Variants in KMT2C observed in about 807,000 individuals in gnomAD.
KMT2C encodes the protein histone-lysine N-methyltransferase 2C.
Under a neutral mutation model 507.9 loss-of-function variants are expected in KMT2C, and 88 were observed. That is an observed-to-expected ratio of 0.17 (90% CI 0.15 to 0.21). The LOEUF (loss-of-function observed/expected upper bound fraction) is 0.21, where lower values mean the gene tolerates loss of function less well. KMT2C is among the 10% of genes least tolerant of loss of function. The probability of loss-of-function intolerance (pLI) is 1.00; values close to 1 mark genes in which losing one functional copy is unlikely to be tolerated. For missense variants in KMT2C, 4,954 were observed against 5,957.8 expected, an observed-to-expected ratio of 0.83 and a Z score of 5.55; for synonymous variants, 2,049 against 2,080.8, an observed-to-expected ratio of 0.98 and a Z score of 0.42.
At position 152,162,624 on chromosome 7, in the gene KMT2C, C is replaced by T. The variant is rs2092516111; in HGVS notation, c.10953G>A (p.Glu3651=). ...TSTPAVSTPS[E]LPQQADQESV... Reference sequence around the variant, plus strand: ...ACTCTTGGTCGGCTTGTTGAGGAAGCTCACTGGGTGTGCTCACTGCAGGAG... The same window carrying T: ...ACTCTTGGTCGGCTTGTTGAGGAAGTTCACTGGGTGTGCTCACTGCAGGAG... The change falls in exon 43 of 59, where the codon GAG becomes GAA. Residue 3651 remains glutamate, a synonymous_variant. Transcript: ENST00000262189. 6 of 1,614,244 alleles carry T rather than the reference C, an allele frequency of 3.7e-6. No individual in the cohort carries two copies. Among genetic ancestry groups the T allele is most frequent in the Admixed American group, 3.3e-5 (2 of 60,026 alleles).
At position 152,358,692 on chromosome 7, in the gene KMT2C, A is replaced by C. The variant is rs187902675; in HGVS notation, c.162-17T>G. 5 of 1,514,030 alleles carry C rather than the reference A, an allele frequency of 3.3e-6. No individual in the cohort carries two copies. In the Admixed American group the frequency reaches 5.4e-5, roughly 16 times the overall value. 93.8% of individuals were successfully genotyped at this position (1,514,030 alleles called of 1,614,324 possible). A position where few individuals can be genotyped will look rare whatever the true frequency, so the allele number is the denominator to read the frequency against. Reference sequence around the variant, plus strand: ...CTTCGAGGTCTACAGAAAAAAAAAAAAATAATAAGTACATAGAGTTAAATG... The same window carrying C: ...CTTCGAGGTCTACAGAAAAAAAAAACAATAATAAGTACATAGAGTTAAATG... On this transcript the variant is annotated splice_polypyrimidine_tract_variant and intron_variant, in intron 1 of 58. Coordinates refer to ENST00000262189, the MANE Select transcript of KMT2C (RefSeq NM_170606.3).
chr7:152,146,876 G>A, intron 52 of KMT2C, 141 bp from the exon 53 acceptor site: 1 of 798,738 alleles, frequency 1.3e-6, no homozygotes, highest in South Asian at 2.1e-5. Flanking sequence ...AAATCTGTTT[G>A]GTAATAATCT....
intron 58 of KMT2C, 144 bp from the exon 59 acceptor site, chr7:152,137,068 C>T (rs1050488817): frequency 3.2e-6 from 2 of 633,734 alleles, no homozygotes; most frequent in African/African-American, 1.8e-5. Context: ...TCCATGGGAC[C>T]CTGGGGGAAC....
Position 152,177,523 on chromosome 7 carries a change from TAGA to T in KMT2C, c.7927_7929del (p.Ser2643del). 6.2e-7 allele frequency: 1 copy of T among 1,614,186 alleles called. No individual in the cohort carries two copies. The highest frequency in any genetic ancestry group is 8.5e-7 in the Non-Finnish European group (1 of 1,180,036). ...GGATGGTTCAGAGTCCTCATGACCATAGAAGATGAATGGACAGAATGACCTTGC... is the reference window on the plus strand; with the variant it reads ...GGATGGTTCAGAGTCCTCATGACCATAGATGAATGGACAGAATGACCTTGC... On this transcript the variant is annotated inframe_deletion, in exon 38 of 59. Transcript: ENST00000262189.
In KMT2C at chr7:152,176,586, G is replaced by C. The variant is rs2093220919; in HGVS notation, c.8867C>G (p.Pro2956Arg). The C allele has an allele frequency of 6.2e-7, 1 of 1,614,178 alleles. No individual in the cohort carries two copies. Among genetic ancestry groups the C allele is most frequent in the African/African-American group, 1.3e-5 (1 of 75,074 alleles). ...SPSNHVSSLPPFIAPPGRVLD... is the reference protein window; with the variant it reads ...SPSNHVSSLPRFIAPPGRVLD... ...AACACGGCCAGGCGGTGCTATGAAA[G>C]GAGGCAAACTTGACACATGATTGGA... Residue 2956 changes from proline (P) to arginine (R), a missense_variant, in exon 38 of 59, where the codon CCT becomes CGT. Pro to Arg is a moderately radical substitution (Grantham distance 103). Around this residue, in one of 29 missense-constraint regions of KMT2C, gnomAD observed 1,689 missense variants for 1,654.3 expected, o/e 1.02. Transcript: ENST00000262189.
chr7:152,359,516 C>A (rs1423804220), intron 1 of KMT2C, among the ~76,000 whole-genome samples: 10 of 151,810 alleles, frequency 6.6e-5, no homozygotes, highest in Admixed American at 2.6e-4. Context: ...ACACCTGTAA[C>A]CCCAGCACTT....
intron 41 of KMT2C, among the ~76,000 whole-genome samples, chr7:152,168,246 T>C (rs1254109495): frequency 6.6e-6 from 1 of 152,152 alleles, no homozygotes; most frequent in Non-Finnish European, 1.5e-5. Flanking sequence ...AAGAAGGACA[T>C]TCGCTGAAAA....
intron 2 of KMT2C, among the ~76,000 whole-genome samples, chr7:152,343,767 T>C (rs1285053169): frequency 6.6e-6 from 1 of 152,106 alleles, no homozygotes; most frequent in Admixed American, 6.5e-5. Context: ...TGTAACATGT[T>C]GAGAGAAAGA....
At chr7:152,217,113 T>C (rs558448762) in intron 23 of KMT2C, among the ~76,000 whole-genome samples, 1 of 152,300 alleles carries the variant, frequency 6.6e-6, no homozygotes, top group South Asian at 2.1e-4. Flanking sequence ...TGAGACATTA[T>C]CAAAACACGT....
At chr7:152,382,315 T>C (rs973738155) in intron 1 of KMT2C, among the ~76,000 whole-genome samples, 1 of 152,188 alleles carries the variant, frequency 6.6e-6, no homozygotes, top group African/African-American at 2.4e-5. Context: ...ACATGAGAGA[T>C]AACCCTGTTG....
intron 9 of KMT2C, among the ~76,000 whole-genome samples, chr7:152,260,078 C>T (rs1025100782): frequency 4.6e-5 from 7 of 152,106 alleles, no homozygotes; most frequent in African/African-American, 1.7e-4. Context: ...AGGTAAGTAC[C>T]GTTAACCTTC....
rs892302971 is a variant in KMT2C at position 152,177,569 on chromosome 7, C to A, written c.7884G>T (p.Val2628=). The A allele has an allele frequency of 1.2e-6, 2 of 1,614,190 alleles. No individual in the cohort carries two copies. Among genetic ancestry groups the A allele is most frequent in the African/African-American group, 2.7e-5 (2 of 75,046 alleles). Residue 2628 remains valine (V), a synonymous_variant, in exon 38 of 59, where the codon GTG becomes GTT. Coordinates refer to ENST00000262189, the MANE Select transcript of KMT2C (RefSeq NM_170606.3). ...QLPVHPDLEQ[V]PPSQQEQGHS... ...GACCTTGCTCTTGTTGAGATGGTGGCACTTGTTCCAAATCTGGGTGCACAG... is the reference window on the plus strand; with the variant it reads ...GACCTTGCTCTTGTTGAGATGGTGGAACTTGTTCCAAATCTGGGTGCACAG...
chr7:152,372,619 G>A (rs573722449), intron 1 of KMT2C, among the ~76,000 whole-genome samples: 2 of 152,280 alleles, frequency 1.3e-5, no homozygotes, highest in African/African-American at 4.8e-5. Context: ...TAGACTTTGA[G>A]TCAAAAAGTG....
intron 4 of KMT2C, 22 bp from the exon 5 acceptor site, chr7:152,311,968 TGTGAAA>T (rs763916708): frequency 1.3e-6 from 2 of 1,526,004 alleles, no homozygotes; most frequent in South Asian, 2.5e-5. Context: ...ATAAAATAAC[TGTGAAA>T]GTGAAAACAA....
At chr7:152,194,176 T>C in intron 30 of KMT2C, 48 bp from the exon 31 acceptor site, 1 of 1,566,294 alleles carries the variant, frequency 6.4e-7, no homozygotes, top group Non-Finnish European at 8.6e-7. Context: ...ACTAGTAGGG[T>C]CCTGGTATGG....
Position 152,180,779 on chromosome 7 carries a change from T to G in KMT2C, c.7081A>C (p.Thr2361Pro), listed in dbSNP as rs2129119118. The change falls in exon 36 of 59, where the codon ACT becomes CCT. Residue 2361 changes from threonine (T) to proline (P), a missense_variant. Transcript: ENST00000262189. The part of the protein sequence containing the change: ...GVSQLPGPVP[T>P]SGVTDTQNTV... The stretch of plus-strand genomic sequence containing the variant: ...TTCTGTGTATCAGTTACTCCTGAAG[T>G]TGGCACAGGTCCAGGAAGTTGGGAG... 1 of 1,614,150 alleles carries G rather than the reference T, an allele frequency of 6.2e-7. No individual in the cohort carries two copies. The highest frequency in any genetic ancestry group is 8.5e-7 in the Non-Finnish European group (1 of 1,180,006).
At chr7:152,337,489 T>C (rs2096947153) in intron 2 of KMT2C, among the ~76,000 whole-genome samples, 1 of 152,220 alleles carries the variant, frequency 6.6e-6, no homozygotes, top group Non-Finnish European at 1.5e-5. Flanking sequence ...TAATTTATCC[T>C]ACACAAATTG....
intron 25 of KMT2C, among the ~76,000 whole-genome samples, chr7:152,203,315 CAT>C (rs2094201791): frequency 6.6e-6 from 1 of 151,692 alleles, no homozygotes; most frequent in African/African-American, 2.4e-5. Context: ...TTTATTTAAA[CAT>C]ATTTTGTTAA....
chr7:152,315,213 T>C lies in KMT2C; in HGVS notation c.515A>G (p.Asp172Gly). The C allele has an allele frequency of 6.2e-7, 1 of 1,613,888 alleles. No homozygotes were observed. The highest frequency in any genetic ancestry group is 8.5e-7 in the Non-Finnish European group (1 of 1,179,778). The change falls in exon 4 of 59, where the codon GAC becomes GGC. Residue 172 changes from aspartate to glycine, a missense_variant. Around this residue, in one of 29 missense-constraint regions of KMT2C, gnomAD observed 233 missense variants for 263.6 expected, o/e 0.88. Coordinates refer to ENST00000262189, the MANE Select transcript of KMT2C (RefSeq NM_170606.3). The part of the protein sequence containing the change: ...PWRNQPSNKK[D>G]IDDNSNGTYE... The stretch of plus-strand genomic sequence containing the variant: ...GGTTCCATTGCTGTTGTCATCAATG[T>C]CCTTCTTGTTAGAAGGTTGGTTTCT...
Sources: gnomAD v4.1 joint callset for allele counts (sites outside exome capture counted in the v4.1 genomes callset) on GRCh38, gnomAD v4.1.1 for gene constraint, gnomAD v4.1.1 regional missense constraint, MANE v1.5 for transcripts, NCBI Gene and HGNC (gene_info 2026-07-23, HGNC 2026-07-21) for gene names.